PLS3: variants seen among roughly 807,000 people sequenced by gnomAD.
The protein encoded by PLS3 is plastin 3, also known as plastin-3.
PLS3 carries 11 observed loss-of-function variants against 46.5 expected under a neutral mutation model. The ratio of observed to expected loss-of-function variants is 0.24; its 90% confidence interval spans 0.15 to 0.39. The LOEUF is 0.39. Among genes scored for constraint, PLS3 ranks in the 10% least tolerant of loss-of-function variants. The probability of loss-of-function intolerance (pLI) is 1.00; values close to 1 mark genes in which losing one functional copy is unlikely to be tolerated. For synonymous variants in PLS3, 167 were observed against 162.2 expected, an observed-to-expected ratio of 1.03 and a Z score of -0.22; for missense variants, 308 against 461.8, an observed-to-expected ratio of 0.67 and a Z score of 3.05.
chrX:115,632,106 C>A (rs1556639514), intron 5 of PLS3, among the ~76,000 whole-genome samples: 1 of 111,291 alleles, frequency 9.0e-6, no homozygotes, highest in African/African-American at 3.3e-5. Context: ...GCCCGGCCTC[C>A]CTTGCATTTT....
intron 15 of PLS3, among the ~76,000 whole-genome samples, chrX:115,648,579 T>C (rs781865258): frequency 1.4e-4 from 15 of 110,843 alleles, no homozygotes; most frequent in Admixed American, 1.2e-3. Flanking sequence ...AGGCCTAGAG[T>C]GTGACCTGGC....
chrX:115,629,351 T>G, intron 4 of PLS3, 24 bp downstream of exon 4: 1 of 1,169,353 alleles, frequency 8.6e-7, no homozygotes, highest in Non-Finnish European at 1.2e-6. Flanking sequence ...ATGCAATAGG[T>G]TAACACAATG....
intron 2 of PLS3, among the ~76,000 whole-genome samples, chrX:115,617,669 GT>G (rs2074610382): frequency 8.9e-6 from 1 of 112,210 alleles, no homozygotes. Flanking sequence ...AGTTTGTCAT[GT>G]AATGACAAAT....
intron 1 of PLS3, among the ~76,000 whole-genome samples, chrX:115,579,467 A>G (rs1030619508): frequency 9.0e-6 from 1 of 111,629 alleles, no homozygotes; most frequent in Admixed American, 9.6e-5. Context: ...TTAATTTTAT[A>G]AGAAATTGCC....
chrX:115,579,111 A>C (rs2074265903), intron 1 of PLS3, among the ~76,000 whole-genome samples: 2 of 111,933 alleles, frequency 1.8e-5, no homozygotes, highest in African/African-American at 6.5e-5. Context: ...TCTGTTCTCC[A>C]TGTCTATAAT....
intron 2 of PLS3, among the ~76,000 whole-genome samples, chrX:115,620,502 C>T (rs1165719389): frequency 1.8e-5 from 2 of 109,493 alleles, no homozygotes; most frequent in Admixed American, 2.0e-4. Flanking sequence ...TACTCAACTT[C>T]AGCACAATTG....
chrX:115,600,925 C>T (rs920643759), intron 1 of PLS3, among the ~76,000 whole-genome samples: 5 of 109,995 alleles, frequency 4.5e-5, no homozygotes, highest in Admixed American at 9.8e-5. Context: ...AAGCATGAGA[C>T]GCAGATAGAG....
In PLS3 at chrX:115,649,807, T is replaced by C; in HGVS notation, c.*246T>C. 3.9e-6 allele frequency: 1 copy of C among 258,984 alleles called. No homozygotes were observed. The highest frequency in any genetic ancestry group is 7.0e-6 in the Non-Finnish European group (1 of 142,659). 21.3% of individuals were successfully genotyped at this position (258,984 alleles called of 1,213,427 possible). A position where few individuals can be genotyped will look rare whatever the true frequency, so the allele number is the denominator to read the frequency against. ...GAAATGTGCTCATAGCCAAAACATT[T>C]TACTCTCTCCTCCTAGAATGCTGCC... On this transcript the variant is annotated 3_prime_UTR_variant, in exon 16 of 16. Coordinates refer to ENST00000355899, the MANE Select transcript of PLS3 (RefSeq NM_005032.7).
chrX:115,574,983 A>G (rs782637237), intron 1 of PLS3, among the ~76,000 whole-genome samples: 1 of 111,791 alleles, frequency 8.9e-6, no homozygotes, highest in African/African-American at 3.3e-5. Context: ...AACCCCATAC[A>G]CTTTAGCTAT....
intron 1 of PLS3, among the ~76,000 whole-genome samples, chrX:115,588,563 C>T (rs997590147): frequency 6.3e-5 from 7 of 111,929 alleles, no homozygotes; most frequent in South Asian, 3.7e-4. Context: ...TTAAAAGTTT[C>T]GTAGTCGCAA....
At chrX:115,626,698 T>A (rs1569528346) in intron 3 of PLS3, among the ~76,000 whole-genome samples, 1 of 111,144 alleles carries the variant, frequency 9.0e-6, no homozygotes, top group Non-Finnish European at 1.9e-5. Context: ...TCATGTAACT[T>A]TTGCAAGACC....
chrX:115,643,231 T>C, intron 9 of PLS3, 82 bp from the exon 10 acceptor site: 4 of 585,962 alleles, frequency 6.8e-6, no homozygotes, highest in Non-Finnish European at 1.1e-5. Flanking sequence ...AGTAGAACTG[T>C]ATACCCAGAC....
intron 7 of PLS3, among the ~76,000 whole-genome samples, chrX:115,635,521 C>T (rs781915683): frequency 9.3e-6 from 1 of 107,524 alleles, no homozygotes; most frequent in South Asian, 4.2e-4. Flanking sequence ...CGAGGTGGCA[C>T]GTGCCTGTAG....
intron 1 of PLS3, among the ~76,000 whole-genome samples, chrX:115,561,516 C>T (rs1350188124): frequency 8.9e-6 from 1 of 112,063 alleles, no homozygotes; most frequent in African/African-American, 3.2e-5. Context: ...ACGTTTTCTG[C>T]ACTTCACTGT....
rs782133928 is a variant in PLS3, at chrX:115,634,067, C to G, written c.568C>G (p.Pro190Ala). The change falls in exon 6 of 16, where the codon CCC (proline) becomes GCC (alanine). Residue 190 changes from proline (P) to alanine (A), a missense_variant. By Grantham distance (27) the Pro-to-Ala change is conservative (BLOSUM62 -1). Coordinates refer to ENST00000355899, the MANE Select transcript of PLS3 (RefSeq NM_005032.7). ...ERAINKKKLT[P>A]FIIQENLNLA... Reference sequence around the variant, plus strand: ...AGCAATCAACAAGAAGAAACTTACACCCTTCATCATTCAGGTATGCATTGT... The same window carrying G: ...AGCAATCAACAAGAAGAAACTTACAGCCTTCATCATTCAGGTATGCATTGT... 4 of 1,125,938 alleles carry G rather than the reference C, an allele frequency of 3.6e-6. No individual in the cohort carries two copies. The highest frequency in any genetic ancestry group is 3.7e-6 in the Non-Finnish European group (3 of 819,823). The allele number at this position is 1,125,938 out of a possible 1,213,427, so 92.8% of individuals were successfully genotyped here.
intron 8 of PLS3, among the ~76,000 whole-genome samples, chrX:115,638,367 C>T (rs781972654): frequency 2.7e-5 from 3 of 111,823 alleles, no homozygotes; most frequent in Non-Finnish European, 3.8e-5. Flanking sequence ...CCTCGGCTTC[C>T]CAAAGTGCTG....
At chrX:115,578,392 A>G (rs1556631449) in intron 1 of PLS3, among the ~76,000 whole-genome samples, 3 of 111,805 alleles carry the variant, frequency 2.7e-5, no homozygotes, top group African/African-American at 9.7e-5. Context: ...CTGACTATAT[A>G]TGCTAAGAAT....
intron 1 of PLS3, among the ~76,000 whole-genome samples, chrX:115,561,697 C>T (rs1556629597): frequency 9.0e-6 from 1 of 110,846 alleles, no homozygotes; most frequent in East Asian, 2.9e-4. Context: ...TCCCCTCTTC[C>T]CTCCCGCCCG....
chrX:115,647,386 A>T (rs1329200581), intron 13 of PLS3, among the ~76,000 whole-genome samples, 164 bp from the exon 14 acceptor site: 2 of 112,278 alleles, frequency 1.8e-5, no homozygotes, highest in Non-Finnish European at 3.8e-5. Flanking sequence ...TGAGCAGGAG[A>T]TTGCGCCACT....
Sources: gnomAD v4.1 joint callset for allele counts (sites outside exome capture counted in the v4.1 genomes callset) on GRCh38, gnomAD v4.1.1 for gene constraint, MANE v1.5 for transcripts, NCBI Gene and HGNC (gene_info 2026-07-23, HGNC 2026-07-21) for gene names.